The following DIPK1A variants were observed in gnomAD, a reference collection of about 807,000 sequenced individuals.
DIPK1A encodes the protein divergent protein kinase domain 1A.
Under a neutral mutation model 40.8 loss-of-function variants are expected in DIPK1A, and 27 were observed. That is an observed-to-expected ratio of 0.66 (90% confidence interval 0.49 to 0.91). The LOEUF (loss-of-function observed/expected upper bound fraction) is 0.91. DIPK1A is among the 40% of genes least tolerant of loss of function. DIPK1A has a pLI of 0.00. For synonymous variants in DIPK1A, 166 were observed against 171.3 expected (o/e 0.97, Z 0.24); for missense variants, 412 against 505.7 (o/e 0.81, Z 1.78).
At chr1:92,833,685 C>CT (rs773060381) in intron 4 of DIPK1A, 5 of 1,567,046 alleles carry the variant, frequency 3.2e-6, no homozygotes, top group South Asian at 1.1e-5. Context: ...AGACAGTCCC[C>CT]TTTTTTTATT....
intron 1 of DIPK1A, among the ~76,000 whole-genome samples, chr1:92,897,326 T>TA (rs1189446233): frequency 6.6e-6 from 1 of 152,120 alleles, no homozygotes; most frequent in South Asian, 2.1e-4. Context: ...TATGCAGCCA[T>TA]AAAAAAGGAT....
At chr1:92,924,127 T>C (rs1650385849) in intron 1 of DIPK1A, among the ~76,000 whole-genome samples, 3 of 152,226 alleles carry the variant, frequency 2.0e-5, no homozygotes, top group Admixed American at 6.5e-5. Context: ...TTTGATGCTA[T>C]TAAAAGATAA....
chr1:92,952,533 C>T (rs1013027505), intron 1 of DIPK1A, among the ~76,000 whole-genome samples: 4 of 152,094 alleles, frequency 2.6e-5, no homozygotes, highest in East Asian at 1.9e-4. Context: ...GGTGGGAGAT[C>T]GCTTGAGCCA....
chr1:92,933,807 C>A (rs2100877569), intron 1 of DIPK1A: 1 of 152,304 alleles, frequency 6.6e-6, no homozygotes, highest in South Asian at 2.1e-4. Flanking sequence ...ACATAAAGGG[C>A]TTTAAATGCT....
chr1:92,913,529 G>A (rs1047771349), intron 1 of DIPK1A, among the ~76,000 whole-genome samples: 1 of 152,076 alleles, frequency 6.6e-6, no homozygotes, highest in South Asian at 2.1e-4. Flanking sequence ...TATTAATTAG[G>A]GTGAAAGTAG....
chr1:92,833,051 T>C (rs369438439), intron 4 of DIPK1A: 6 of 734,276 alleles, frequency 8.2e-6, no homozygotes, highest in African/African-American at 3.4e-5. Flanking sequence ...GAAACAAATA[T>C]GGAAATTGAA....
chr1:92,832,843 T>A, exon 5 of DIPK1A: 1 of 607,340 alleles, frequency 1.6e-6, no homozygotes, highest in Non-Finnish European at 2.9e-6. Flanking sequence ...CTTGCCCAGT[T>A]AAGCTTTGTG....
intron 1 of DIPK1A, among the ~76,000 whole-genome samples, chr1:92,899,955 C>T (rs1291816065): frequency 6.6e-6 from 1 of 152,014 alleles, no homozygotes; most frequent in Non-Finnish European, 1.5e-5. Context: ...ATCCCATTCT[C>T]TCCTGGCCTG....
At chr1:92,892,518 G>C (rs1648940876) in intron 1 of DIPK1A, among the ~76,000 whole-genome samples, 2 of 152,028 alleles carry the variant, frequency 1.3e-5, no homozygotes, top group African/African-American at 2.4e-5. Context: ...CATCATCAAA[G>C]ACCAAAGGCA....
intron 2 of DIPK1A, among the ~76,000 whole-genome samples, chr1:92,860,078 C>G (rs1040807311): frequency 6.6e-6 from 1 of 152,132 alleles, no homozygotes; most frequent in Non-Finnish European, 1.5e-5. Context: ...TTAAAGGTAT[C>G]TAAGATATGT....
intron 1 of DIPK1A, among the ~76,000 whole-genome samples, chr1:92,884,323 C>T (rs770736861): frequency 6.6e-6 from 1 of 151,998 alleles, no homozygotes; most frequent in African/African-American, 2.4e-5. Flanking sequence ...TGTGATGGCA[C>T]GTGCCTGTGA....
intron 1 of DIPK1A, among the ~76,000 whole-genome samples, chr1:92,889,709 G>A (rs1287825763): frequency 6.6e-6 from 1 of 151,828 alleles, no homozygotes; most frequent in Non-Finnish European, 1.5e-5. Flanking sequence ...GTGCAGTGAT[G>A]TAATCTCGAC....
chr1:92,939,328 C>T (rs1448305277), intron 1 of DIPK1A, among the ~76,000 whole-genome samples: 3 of 152,072 alleles, frequency 2.0e-5, no homozygotes, highest in Non-Finnish European at 2.9e-5. Flanking sequence ...TCTACATAAC[C>T]GAATGACTTT....
intron 2 of DIPK1A, among the ~76,000 whole-genome samples, chr1:92,872,367 C>T (rs894769785): frequency 6.6e-6 from 1 of 152,002 alleles, no homozygotes; most frequent in Non-Finnish European, 1.5e-5. Context: ...CAGGTACGAG[C>T]CACCATGCCC....
intron 1 of DIPK1A, among the ~76,000 whole-genome samples, chr1:92,955,505 T>C (rs1426270342): frequency 6.6e-6 from 1 of 150,436 alleles, no homozygotes. Context: ...GAGACCATCC[T>C]GGCTAACACA....
chr1:92,879,890 C>A (rs182970273), intron 1 of DIPK1A, among the ~76,000 whole-genome samples: 39 of 152,352 alleles, frequency 2.6e-4, no homozygotes, highest in Middle Eastern at 3.4e-3. Flanking sequence ...GACTGCCCAG[C>A]AGTTTTTTGT....
chr1:92,840,620 A>G (rs2100697058), downstream of DIPK1A: 2 of 1,610,084 alleles, frequency 1.2e-6, no homozygotes, highest in Non-Finnish European at 1.7e-6. Context: ...GAAGCCCAAG[A>G]AAGAAGTTAA....
intron 1 of DIPK1A, among the ~76,000 whole-genome samples, chr1:92,884,468 A>AC (rs988527705): frequency 6.6e-6 from 1 of 151,966 alleles, no homozygotes; most frequent in African/African-American, 2.4e-5. Context: ...AAACAAACAA[A>AC]AAAAAACAAC....
At position 92,935,733 on chromosome 1, in the gene DIPK1A, T is replaced by C. The variant is rs140714804; in HGVS notation, c.54+25643A>G. Among the ~76,000 whole-genome samples the C allele has an allele frequency of 5.1e-3, 767 of 150,694 alleles. 5 individuals are homozygous for C. Among genetic ancestry groups the C allele is most frequent in the African/African-American group, 0.018 (743 of 41,070 alleles). ...TTATATTATAACGTGTTCAAGTAAC[T>C]GAGCAAAAAAAAAAAATCCCTCACT... On this transcript the variant is annotated intron_variant, in intron 1 of 4. Coordinates refer to ENST00000370310, the MANE Select transcript of DIPK1A (RefSeq NM_001006605.5).
Sources: gnomAD v4.1 joint callset for allele counts (sites outside exome capture counted in the v4.1 genomes callset) on GRCh38, gnomAD v4.1.1 for gene constraint, MANE v1.5 for transcripts, NCBI Gene and HGNC (gene_info 2026-07-23, HGNC 2026-07-21) for gene names.